The following PTCH1 variants were observed in gnomAD, a reference collection of about 807,000 sequenced individuals.
PTCH1 encodes patched 1, also known as protein patched homolog 1.
A neutral mutation model predicts 144.6 loss-of-function variants in PTCH1; 14 were observed. The observed-to-expected ratio is 0.10, with a 90% confidence interval of 0.06 to 0.15. PTCH1 has a LOEUF of 0.15. PTCH1 is among the 10% of genes least tolerant of loss of function. The pLI, the probability that PTCH1 is intolerant of heterozygous loss-of-function variation, is 1.00. For synonymous variants in PTCH1, 833 were observed against 793.6 expected (o/e 1.05, Z -0.83); for missense variants, 1,623 against 1,948.3 (o/e 0.83, Z 3.14).
chr9:95,448,188 C>T (rs1838132194), intron 22 of PTCH1, among the ~76,000 whole-genome samples: 1 of 152,224 alleles, frequency 6.6e-6, no homozygotes. Flanking sequence ...TTTTAGGCTC[C>T]TGCTGAACAA....
At chr9:95,516,108 T>C (rs1176238414) in intron 1 of PTCH1, among the ~76,000 whole-genome samples, 2 of 151,892 alleles carry the variant, frequency 1.3e-5, no homozygotes, top group Non-Finnish European at 2.9e-5. Context: ...TGGCGACCCT[T>C]TCAGGCGTGA....
chr9:95,465,559 G>A (rs1337127009), intron 15 of PTCH1, among the ~76,000 whole-genome samples: 4 of 152,170 alleles, frequency 2.6e-5, no homozygotes, highest in Non-Finnish European at 5.9e-5. Flanking sequence ...GTCAAATTGG[G>A]TGTACATGTA....
At chr9:95,491,169 G>A (rs913517103) in intron 2 of PTCH1, among the ~76,000 whole-genome samples, 4 of 152,164 alleles carry the variant, frequency 2.6e-5, no homozygotes, top group African/African-American at 7.2e-5. Context: ...CTTGGGTGGT[G>A]CTTTCCATTT....
At chr9:95,466,774 TG>T (rs1181144128) in intron 15 of PTCH1, among the ~76,000 whole-genome samples, 9 of 152,316 alleles carry the variant, frequency 5.9e-5, no homozygotes, top group African/African-American at 2.2e-4. Flanking sequence ...AGCCGCACTT[TG>T]ATTTTATGTG....
Position 95,508,560 on chromosome 9 carries a change from G to A in PTCH1, c.-199C>T. The A allele has an allele frequency of 1.0e-6, 1 of 1,003,474 alleles. No individual in the cohort carries two copies. The highest frequency in any genetic ancestry group is 1.2e-6 in the Non-Finnish European group (1 of 841,844). The allele number at this position is 1,003,474 out of a possible 1,614,324, so 62.2% of individuals were successfully genotyped here. A position where few individuals can be genotyped will look rare whatever the true frequency, so the allele number is the denominator to read the frequency against. ...TCACACGGCGGGCGCTGCTGCCGCT[G>A]CGGCCGCGGCCGCTGCCGGGGAGTC... On this transcript the variant is annotated 5_prime_UTR_variant, in exon 1 of 24. It introduces an in-frame stop codon into an upstream open reading frame of the 5' UTR. Transcript: ENST00000331920.
intron 16 of PTCH1, chr9:95,460,089 G>A: frequency 2.3e-6 from 1 of 430,706 alleles, no homozygotes; most frequent in South Asian, 2.1e-5. Flanking sequence ...GAACAATCTG[G>A]AGAAACATAT....
exon 1 of PTCH1, chr9:95,516,909 A>C: frequency 2.7e-6 from 3 of 1,124,826 alleles, no homozygotes; most frequent in Non-Finnish European, 3.8e-6. Context: ...TTTACAATAA[A>C]CTCAAGGAAA....
intron 1 of PTCH1, 196 bp downstream of exon 1, chr9:95,507,965 T>A: frequency 6.8e-7 from 1 of 1,478,622 alleles, no homozygotes; most frequent in Middle Eastern, 2.4e-4. Context: ...GACAGCCCTT[T>A]CCTCCCAGGA....
At chr9:95,470,856 C>T (rs539677307) in intron 12 of PTCH1, among the ~76,000 whole-genome samples, 5 of 152,242 alleles carry the variant, frequency 3.3e-5, no homozygotes, top group African/African-American at 7.2e-5. Context: ...GGGTGGATCA[C>T]GGGGTCAGGG....
chr9:95,469,375 G>C (rs749139626), intron 13 of PTCH1, among the ~76,000 whole-genome samples: 3 of 152,196 alleles, frequency 2.0e-5, no homozygotes, highest in Non-Finnish European at 4.4e-5. Flanking sequence ...AGGCCACATG[G>C]AGGACTGATC....
Position 95,476,915 on chromosome 9 carries a change from C to G in PTCH1, c.1504-58G>C, listed in dbSNP as rs1313822593. The G allele has an allele frequency of 1.3e-6, 2 of 1,521,086 alleles. No individual in the cohort carries two copies. The highest frequency in any genetic ancestry group is 2.8e-5 in the African/African-American group (2 of 72,520). 94.2% of individuals were successfully genotyped at this position (1,521,086 alleles called of 1,614,324 possible). A position where few individuals can be genotyped will look rare whatever the true frequency, so the allele number is the denominator to read the frequency against. ...CATGCGAGATGCAATTCAGATGATTCTAAAGCTAGTTAGGACTCTGCCACC... is the reference window on the plus strand; with the variant it reads ...CATGCGAGATGCAATTCAGATGATTGTAAAGCTAGTTAGGACTCTGCCACC... On this transcript the variant is annotated intron_variant, in intron 10 of 23. Transcript: ENST00000331920. This position sits in a 1 kb window ranked among gnomAD's most constrained non-coding sequence, Gnocchi z 4.6.
intron 19 of PTCH1, 64 bp from the exon 20 acceptor site, chr9:95,453,684 G>A (rs1588529171): frequency 6.2e-7 from 1 of 1,600,052 alleles, no homozygotes; most frequent in Admixed American, 1.7e-5. Flanking sequence ...GCTCAGCTCT[G>A]TCCTAAATGT....
chr9:95,470,864 G>A (rs1297015645), intron 12 of PTCH1, among the ~76,000 whole-genome samples: 1 of 152,174 alleles, frequency 6.6e-6, no homozygotes, highest in Non-Finnish European at 1.5e-5. Flanking sequence ...CACGGGGTCA[G>A]GGATCTCCTG....
Position 95,446,145 on chromosome 9 carries a change from G to C in PTCH1, c.*248C>G, listed in dbSNP as rs576591779. On this transcript the variant is annotated 3_prime_UTR_variant, in exon 24 of 24. Transcript: ENST00000331920. ...CTGTGGCCTCCACACTCTGGGGCAGGAGTGGAGAAGCCCCAGATCATACCA... is the reference window on the plus strand; with the variant it reads ...CTGTGGCCTCCACACTCTGGGGCAGCAGTGGAGAAGCCCCAGATCATACCA... The C allele has an allele frequency of 6.6e-6, 2 of 304,728 alleles. No individual in the cohort carries two copies. Among genetic ancestry groups the C allele is most frequent in the African/African-American group, 2.2e-5 (1 of 46,386 alleles). The allele number at this position is 304,728 out of a possible 1,614,324, so 18.9% of individuals were successfully genotyped here. A position where few individuals can be genotyped will look rare whatever the true frequency, so the allele number is the denominator to read the frequency against.
upstream of PTCH1, among the ~76,000 whole-genome samples, chr9:95,512,652 C>T (rs1214410422): frequency 1.3e-5 from 2 of 152,160 alleles, no homozygotes; most frequent in Non-Finnish European, 2.9e-5. Context: ...AATATGCATG[C>T]CCTGTGCAGG....
Position 95,476,741 on chromosome 9 carries a change from CTTT to C in PTCH1, c.1602+15_1602+17del, listed in dbSNP as rs528001004. On this transcript the variant is annotated intron_variant, in intron 11 of 23. Coordinates refer to ENST00000331920, the MANE Select transcript of PTCH1 (RefSeq NM_000264.5). The surrounding 1 kb of genome is among the most constrained non-coding windows in gnomAD (Gnocchi z 4.6). ...GCTGTGATGTCCCCAAAGCTCTCTT[CTTT>C]TGTTTTTGCATTACCTCAAAAGGGA... The C allele has an allele frequency of 3.4e-3, 5,501 of 1,607,044 alleles. 23 individuals are homozygous for C. Among genetic ancestry groups the C allele is most frequent in the Non-Finnish European group, 3.6e-3 (4,232 of 1,174,490 alleles).
At chr9:95,500,741 A>G (rs931690227) in intron 2 of PTCH1, among the ~76,000 whole-genome samples, 1 of 152,170 alleles carries the variant, frequency 6.6e-6, no homozygotes, top group African/African-American at 2.4e-5. Flanking sequence ...GAGTTCACAC[A>G]CTAGCCGGGC....
chr9:95,472,641 G>A (rs1840681091), intron 12 of PTCH1, among the ~76,000 whole-genome samples: 1 of 152,270 alleles, frequency 6.6e-6, no homozygotes, highest in African/African-American at 2.4e-5. Flanking sequence ...GGAGCCCCAC[G>A]GGCACAGGCA....
At position 95,508,514 on chromosome 9, in the gene PTCH1, C is replaced by T. The variant is rs1843935985; in HGVS notation, c.-153G>A. 5 of 1,016,956 alleles carry T rather than the reference C, an allele frequency of 4.9e-6. No individual in the cohort carries two copies. The highest frequency in any genetic ancestry group is 5.9e-6 in the Non-Finnish European group (5 of 850,422). 63.0% of individuals were successfully genotyped at this position (1,016,956 alleles called of 1,614,324 possible). ...CTGCTCGGGCTCGGGCTCCGGTTGA[C>T]AGACCAGCCGCTGCTGCTGCTCACA... On this transcript the variant is annotated 5_prime_UTR_variant, in exon 1 of 24. Transcript: ENST00000331920.
Sources: allele counts gnomAD v4.1 joint callset (sites outside exome capture counted in the v4.1 genomes callset), GRCh38; gene constraint gnomAD v4.1.1; non-coding constraint Gnocchi (gnomAD v3.1); transcripts MANE v1.5; gene names NCBI Gene and HGNC (gene_info 2026-07-23, HGNC 2026-07-21).